The following LRRC37A2 variants were observed in gnomAD, a reference collection of about 807,000 sequenced individuals.
The protein encoded by LRRC37A2 is leucine rich repeat containing 37 member A2.
In LRRC37A2, 9 loss-of-function variants were observed where a neutral mutation model predicts 68.8. That is an observed-to-expected ratio of 0.13 (90% CI 0.08 to 0.23). LRRC37A2 has a LOEUF of 0.23. LRRC37A2 is among the 10% of genes least tolerant of loss of function. The probability of loss-of-function intolerance (pLI) is 1.00; values close to 1 mark genes in which losing one functional copy is unlikely to be tolerated. For synonymous variants in LRRC37A2, 63 were observed against 367.6 expected (o/e 0.17, Z 9.48); for missense variants, 168 against 950.4 (o/e 0.18, Z 10.82).
chr17:47,002,885 T>C, the LRRC37A2 span, among the ~76,000 whole-genome samples: 1 of 152,106 alleles, frequency 6.6e-6, no homozygotes, highest in South Asian at 2.1e-4. Flanking sequence ...AGAATGATAG[T>C]AATTTTAAAA....
the LRRC37A2 span, chr17:47,018,662 C>A: frequency 2.0e-6 from 3 of 1,520,174 alleles, no homozygotes; most frequent in African/African-American, 2.8e-5. Context: ...ATAATGAGAA[C>A]CCCTCTCCAA....
the LRRC37A2 span, among the ~76,000 whole-genome samples, chr17:46,788,400 C>T: frequency 6.6e-6 from 1 of 152,142 alleles, no homozygotes; most frequent in Non-Finnish European, 1.5e-5. Flanking sequence ...CTGCTGGTTC[C>T]CACACCAGGA....
chr17:46,915,040 T>A, the LRRC37A2 span, among the ~76,000 whole-genome samples: 1 of 152,204 alleles, frequency 6.6e-6, no homozygotes, highest in South Asian at 2.1e-4. Context: ...TATTGCTGCA[T>A]AACAAACTAG....
At chr17:46,392,419 C>CTTTCTTTCTT in the LRRC37A2 span, among the ~76,000 whole-genome samples, 1 of 55,752 alleles carries the variant, frequency 1.8e-5, no homozygotes, top group African/African-American at 6.0e-5. Flanking sequence ...TTCTCTCTCT[C>CTTTCTTTCTT]TCTTTCTTTC....
At chr17:46,545,053 A>G (rs2056068629) in intron 8 of LRRC37A2, among the ~76,000 whole-genome samples, 1 of 138,214 alleles carries the variant, frequency 7.2e-6, no homozygotes, top group South Asian at 2.2e-4. Flanking sequence ...TGCATAGGTG[A>G]TGTATCCTTC....
At chr17:46,384,327 C>T in the LRRC37A2 span, among the ~76,000 whole-genome samples, 4 of 73,288 alleles carry the variant, frequency 5.5e-5, no homozygotes, top group African/African-American at 1.5e-4. Context: ...GTGGCTCACA[C>T]GTGTAATCCT....
the LRRC37A2 span, among the ~76,000 whole-genome samples, chr17:46,493,159 CT>C: frequency 0.97 from 89,182 of 92,410 alleles, 43,004 homozygotes; most frequent in South Asian, 0.98. Flanking sequence ...ATACTAAAAT[CT>C]TTTTTTTTTT....
At chr17:46,868,367 G>A in the LRRC37A2 span, among the ~76,000 whole-genome samples, 1 of 152,094 alleles carries the variant, frequency 6.6e-6, no homozygotes, top group African/African-American at 2.4e-5. Context: ...CAAGGTGGGC[G>A]GATCACATGA....
intron 8 of LRRC37A2, among the ~76,000 whole-genome samples, chr17:46,541,929 T>G (rs2145584959): frequency 6.9e-6 from 1 of 145,638 alleles, no homozygotes; most frequent in East Asian, 2.0e-4. Context: ...TATTGCTGAG[T>G]AGTATTCCGG....
the LRRC37A2 span, among the ~76,000 whole-genome samples, chr17:46,962,904 C>T: frequency 6.6e-6 from 1 of 152,228 alleles, no homozygotes; most frequent in Admixed American, 6.5e-5. Context: ...CCTCTGCTAA[C>T]TCATCATTTT....
At chr17:46,830,406 C>T in the LRRC37A2 span, among the ~76,000 whole-genome samples, 5 of 152,110 alleles carry the variant, frequency 3.3e-5, no homozygotes, top group East Asian at 1.9e-4. Flanking sequence ...CATGCACCAC[C>T]GCACCTGCCT....
At chr17:46,940,274 G>T in the LRRC37A2 span, 3 of 1,433,226 alleles carry the variant, frequency 2.1e-6, no homozygotes, top group South Asian at 3.0e-5. Context: ...GATCTCCATT[G>T]TTCCTACCCC....
the LRRC37A2 span, among the ~76,000 whole-genome samples, chr17:46,880,787 G>A: frequency 1.3e-5 from 2 of 152,052 alleles, no homozygotes; most frequent in Admixed American, 1.3e-4. Context: ...TTGATTCTGG[G>A]TAAACTAAGG....
chr17:46,837,807 G>A, the LRRC37A2 span, among the ~76,000 whole-genome samples: 1 of 152,218 alleles, frequency 6.6e-6, no homozygotes, highest in Non-Finnish European at 1.5e-5. Context: ...ATGCACAATT[G>A]TGCATGTTGT....
chr17:46,657,890 C>T, the LRRC37A2 span, among the ~76,000 whole-genome samples: 1 of 86,568 alleles, frequency 1.2e-5, no homozygotes, highest in African/African-American at 5.4e-5. Context: ...TAGCCTCCTC[C>T]TGTTGAGCAT....
chr17:46,812,334 CT>C, the LRRC37A2 span, among the ~76,000 whole-genome samples: 4 of 152,120 alleles, frequency 2.6e-5, no homozygotes, highest in Admixed American at 6.5e-5. Flanking sequence ...CTCCACCCCC[CT>C]ACCCCCGCCC....
chr17:46,838,656 A>C, the LRRC37A2 span, among the ~76,000 whole-genome samples: 2 of 152,154 alleles, frequency 1.3e-5, no homozygotes, highest in African/African-American at 4.8e-5. Flanking sequence ...TAAAAATTAA[A>C]AATAAAATTT....
At chr17:46,875,165 G>T in the LRRC37A2 span, 42,077 of 1,613,996 alleles carry the variant, frequency 0.026, 655 homozygotes, top group African/African-American at 0.049. Flanking sequence ...CCCTGGCCCG[G>T]GCCTGCAGCG....
the LRRC37A2 span, among the ~76,000 whole-genome samples, chr17:46,944,252 C>T: frequency 1.3e-5 from 2 of 152,220 alleles, no homozygotes; most frequent in Non-Finnish European, 2.9e-5. Context: ...AGCAGCCCTC[C>T]GCAGTTTGCA....
Sources: gnomAD v4.1 joint callset for allele counts (sites outside exome capture counted in the v4.1 genomes callset) on GRCh38, gnomAD v4.1.1 for gene constraint, MANE v1.5 for transcripts, NCBI Gene and HGNC (gene_info 2026-07-23, HGNC 2026-07-21) for gene names.